Variants in VARS2 observed in about 807,000 individuals in gnomAD.
VARS2 encodes valine--tRNA ligase, mitochondrial.
VARS2 carries 105 observed loss-of-function variants against 154.1 expected under a neutral mutation model. The observed-to-expected ratio is 0.68, with a 90% confidence interval of 0.58 to 0.80. The LOEUF is 0.80. Among genes scored for constraint, VARS2 ranks in the 30% least tolerant of loss-of-function variants. VARS2 has a pLI of 0.00. For synonymous variants in VARS2, 483 were observed against 539.5 expected, an observed-to-expected ratio of 0.90 and a Z score of 1.45; for missense variants, 1,157 against 1,361.4, an observed-to-expected ratio of 0.85 and a Z score of 2.36.
Position 30,920,502 on chromosome 6 carries a change from A to G in VARS2, c.1397+66A>G. On this transcript the variant is annotated intron_variant, in intron 14 of 29. Coordinates refer to ENST00000676266, the MANE Select transcript of VARS2 (RefSeq NM_020442.6). This position sits in a 1 kb window ranked among gnomAD's most constrained non-coding sequence, Gnocchi z 4.6. ...AGGGAATGTATGGAGCTTAAGGGTGACAATAGGATGGGCTCTGCACCCCTC... is the reference window on the plus strand; with the variant it reads ...AGGGAATGTATGGAGCTTAAGGGTGGCAATAGGATGGGCTCTGCACCCCTC... 1 of 1,485,136 alleles carries G rather than the reference A, an allele frequency of 6.7e-7. No individual in the cohort carries two copies. The allele number at this position is 1,485,136 out of a possible 1,614,324, so 92.0% of individuals were successfully genotyped here.
At position 30,915,946 on chromosome 6, in the gene VARS2, G is replaced by T. The variant is rs369182131; in HGVS notation, c.507-35G>T. 3 of 1,614,022 alleles carry T rather than the reference G, an allele frequency of 1.9e-6. No homozygotes were observed. The African/African-American group carries it at 4.0e-5, about 22-fold the overall frequency. ...GGAATGAGTGAGGATAAACATTTAA[G>T]CTCAGGGGCTCACAGGAGGGCATTT... On this transcript the variant is annotated intron_variant, in intron 5 of 29. Transcript: ENST00000676266.
chr6:30,919,770 C>T lies in VARS2; in HGVS notation c.1087C>T (p.Arg363Ter), dbSNP rs578118592. The part of the protein sequence containing the change: ...DDSRYTHLHG[R>*]QLRHPLMGQP... Reference sequence around the variant, plus strand: ...CCCTTCCCTTCAGCATCTACACGGGCGACAGCTTCGTCACCCCTTGATGGG... The same window carrying T: ...CCCTTCCCTTCAGCATCTACACGGGTGACAGCTTCGTCACCCCTTGATGGG... The change falls in exon 12 of 30, where the codon CGA becomes TGA. Residue 363 changes from arginine to a stop codon, truncating the protein, a stop_gained. Coordinates refer to ENST00000676266, the MANE Select transcript of VARS2 (RefSeq NM_020442.6). LOFTEE classifies it high-confidence loss of function. This position sits in a 1 kb window ranked among gnomAD's most constrained non-coding sequence, Gnocchi z 4.5. The T allele has an allele frequency of 2.4e-5, 38 of 1,584,142 alleles. No homozygotes were observed. The highest frequency in any genetic ancestry group is 2.9e-5 in the Non-Finnish European group (34 of 1,161,628).
rs1264298 is a variant in VARS2 at position 30,916,659 on chromosome 6, A to G, written c.672-219A>G. On this transcript the variant is annotated intron_variant, in intron 7 of 29. Coordinates refer to ENST00000676266, the MANE Select transcript of VARS2 (RefSeq NM_020442.6). This position sits in a 1 kb window ranked among gnomAD's most constrained non-coding sequence, Gnocchi z 4.0. The stretch of plus-strand genomic sequence containing the variant: ...TCCTTGGATTTCCCACAATATGGCT[A>G]TCCCTCCTCTCTTCCTATAGAATCT... 187,144 of 587,934 alleles carry G rather than the reference A, an allele frequency of 0.32. 32,085 individuals are homozygous for G. Among genetic ancestry groups the G allele is most frequent in the Non-Finnish European group, 0.36 (120,097 of 331,230 alleles). The allele number at this position is 587,934 out of a possible 1,614,324, so 36.4% of individuals were successfully genotyped here. A position where few individuals can be genotyped will look rare whatever the true frequency, so the allele number is the denominator to read the frequency against.
chr6:30,923,168 G>C lies in VARS2; in HGVS notation c.2250G>C (p.Trp750Cys). The C allele has an allele frequency of 6.2e-7, 1 of 1,613,124 alleles. No individual in the cohort carries two copies. The highest frequency in any genetic ancestry group is 8.5e-7 in the Non-Finnish European group (1 of 1,180,042). ...GCCGACATTTCTGCAACAAGATCTGGAATGCTCTTCGCTTTATCCTCAATG... is the reference window on the plus strand; with the variant it reads ...GCCGACATTTCTGCAACAAGATCTGCAATGCTCTTCGCTTTATCCTCAATG... The part of the protein sequence containing the change: ...QSCRHFCNKI[W>C]NALRFILNAL... The change falls in exon 24 of 30, where the codon TGG becomes TGC. Residue 750 changes from tryptophan to cysteine, a missense_variant. By Grantham distance (215) the Trp-to-Cys change is radical. Coordinates refer to ENST00000676266, the MANE Select transcript of VARS2 (RefSeq NM_020442.6).
chr6:30,918,590 A>G (rs1378748628), intron 10 of VARS2, among the ~76,000 whole-genome samples: 3 of 152,036 alleles, frequency 2.0e-5, no homozygotes, highest in Non-Finnish European at 4.4e-5. Flanking sequence ...CTTCCATGCA[A>G]ATTATCAGGG....
rs1414930999 is a variant in VARS2, at chr6:30,925,772, G to A, written c.2961+53G>A. ...GGCAGGCTTGGGAAGCATGCTGGGA[G>A]GAAGGGAGGGGCTGGGCTCTATAAA... On this transcript the variant is annotated intron_variant, in intron 28 of 29. Transcript: ENST00000676266. 5 of 1,610,362 alleles carry A rather than the reference G, an allele frequency of 3.1e-6. No individual in the cohort carries two copies. In the East Asian group the frequency reaches 6.7e-5, roughly 22 times the overall value.
chr6:30,914,943 G>A lies in VARS2; in HGVS notation c.107G>A (p.Gly36Glu), dbSNP rs765559507. 4 of 1,612,948 alleles carry A rather than the reference G, an allele frequency of 2.5e-6. No individual in the cohort carries two copies. In the African/African-American group the frequency reaches 5.3e-5, roughly 22 times the overall value. The change falls in exon 2 of 30, where the codon GGA (glycine) becomes GAA (glutamate). Residue 36 changes from glycine (G) to glutamate (E), a missense_variant. By Grantham distance (98) the Gly-to-Glu change is moderately conservative. Coordinates refer to ENST00000676266, the MANE Select transcript of VARS2 (RefSeq NM_020442.6). Reference protein sequence around the residue: ...HSVSTQSEPHGSPISRRNREA... With the variant: ...HSVSTQSEPHESPISRRNREA... ...GTTTCTACACAGTCGGAGCCCCATG[G>A]ATCTCCCATCTCCCGGAGGAACCGT...
rs1022148901 is a variant in VARS2, at chr6:30,917,421, C to A, written c.873+197C>A. On this transcript the variant is annotated intron_variant, in intron 9 of 29. Transcript: ENST00000676266. This position sits in a 1 kb window ranked among gnomAD's most constrained non-coding sequence, Gnocchi z 4.4. ...TCTGTAAATTAGAGATGATGGAATG[C>A]TTGCATCGTGGGGGTGTTGTAAAAA... 1.3e-5 allele frequency among the ~76,000 whole-genome samples: 2 copies of A among 152,224 alleles called. No individual in the cohort carries two copies. The highest frequency in any genetic ancestry group is 6.5e-5 in the Admixed American group (1 of 15,288).
intron 26 of VARS2, among the ~76,000 whole-genome samples, chr6:30,925,055 C>G (rs1479667588): frequency 6.6e-6 from 1 of 152,244 alleles, no homozygotes; most frequent in Non-Finnish European, 1.5e-5. Context: ...ATTTCAATCA[C>G]AGCAACTAAA....
chr6:30,915,221 AC>A lies in VARS2; in HGVS notation c.270del (p.Gly91ValfsTer114). Reference protein sequence around the residue: ...ELVLYEIPTKPGEKKDVSGPL... With the variant: ...ELVLYEIPTKXGEKKDVSGPL... ...TAGTATTGTATGAAATCCCTACGAA[AC>A]CCGGTGAAAAGAAAGGTAAGTAGAA... On this transcript the variant is annotated frameshift_variant, in exon 3 of 30. Transcript: ENST00000676266. LOFTEE classifies it high-confidence loss of function. 5 of 1,614,150 alleles carry A rather than the reference AC, an allele frequency of 3.1e-6. No individual in the cohort carries two copies. Among genetic ancestry groups the A allele is most frequent in the Non-Finnish European group, 4.2e-6 (5 of 1,180,014 alleles).
In VARS2 at chr6:30,916,506, TCTTTA is replaced by T. The variant is rs1420777272; in HGVS notation, c.671+261_671+265del. ...TATATATATATATATATTTTCTTTC[TCTTTA>T]CTTACCCCAATTTCTCTTGTCTAAA... On this transcript the variant is annotated intron_variant, in intron 7 of 29. Coordinates refer to ENST00000676266, the MANE Select transcript of VARS2 (RefSeq NM_020442.6). This position sits in a 1 kb window ranked among gnomAD's most constrained non-coding sequence, Gnocchi z 4.0. 3.1e-6 allele frequency: 1 copy of T among 326,000 alleles called. No homozygotes were observed. The highest frequency in any genetic ancestry group is 5.4e-6 in the Non-Finnish European group (1 of 186,196). The allele number at this position is 326,000 out of a possible 1,614,324, so 20.2% of individuals were successfully genotyped here.
chr6:30,924,467 G>A lies in VARS2; in HGVS notation c.2580G>A (p.Leu860=), dbSNP rs757986956. The A allele has an allele frequency of 6.2e-7, 1 of 1,612,264 alleles. No individual in the cohort carries two copies. The highest frequency in any genetic ancestry group is 8.5e-7 in the Non-Finnish European group (1 of 1,179,612). ...LRLLAPLMPF[L]AEELWQRLPP... ...TCCTGGCCCCACTGATGCCCTTCCT[G>A]GCTGAAGAGCTCTGGCAGAGGCTGC... The change falls in exon 26 of 30, where the codon CTG becomes CTA. Residue 860 remains leucine (L), a synonymous_variant. Transcript: ENST00000676266.
chr6:30,921,052 C>T lies in VARS2; in HGVS notation c.1480-13C>T. 1 of 1,605,066 alleles carries T rather than the reference C, an allele frequency of 6.2e-7. No homozygotes were observed. On this transcript the variant is annotated splice_polypyrimidine_tract_variant and intron_variant, in intron 15 of 29. Coordinates refer to ENST00000676266, the MANE Select transcript of VARS2 (RefSeq NM_020442.6). The surrounding 1 kb of genome is among the most constrained non-coding windows in gnomAD (Gnocchi z 4.6). ...GGAAGGGCAACATTGTCTAAAGTCC[C>T]CTTTCTCTCCAGGCTGTGGAGTCGG...
intron 26 of VARS2, 135 bp downstream of exon 26, chr6:30,924,695 C>T: frequency 1.6e-6 from 1 of 611,198 alleles, no homozygotes; most frequent in Non-Finnish European, 2.9e-6. Context: ...ATGGATTGTT[C>T]CTGCAGGGTT....
chr6:30,924,706 G>C, intron 26 of VARS2, 146 bp downstream of exon 26: 2 of 602,276 alleles, frequency 3.3e-6, no homozygotes, highest in South Asian at 4.1e-5. Context: ...CTGCAGGGTT[G>C]CTGCGATGAC....
chr6:30,921,246 C>T lies in VARS2; in HGVS notation c.1573C>T (p.Arg525Trp), dbSNP rs747238177. Residue 525 changes from arginine to tryptophan, a missense_variant, in exon 17 of 30, where the codon CGG becomes TGG. By Grantham distance (101) the Arg-to-Trp change is moderately radical. Transcript: ENST00000676266. The surrounding 1 kb of genome is among the most constrained non-coding windows in gnomAD (Gnocchi z 4.6). ...TCCCGGCAGGGACTGGTGTGTCTCC[C>T]GGCAGCTGTGGTGGGGCCATCAGAT... Reference protein sequence around the residue: ...FSHIGDWCVSRQLWWGHQIPA... With the variant: ...FSHIGDWCVSWQLWWGHQIPA... 2.0e-5 allele frequency: 32 copies of T among 1,614,076 alleles called. No homozygotes were observed. Among genetic ancestry groups the T allele is most frequent in the East Asian group, 2.2e-5 (1 of 44,872 alleles).
chr6:30,921,238 G>A lies in VARS2; in HGVS notation c.1565G>A (p.Cys522Tyr), dbSNP rs1794492199. 2 of 1,614,112 alleles carry A rather than the reference G, an allele frequency of 1.2e-6. No individual in the cohort carries two copies. Among genetic ancestry groups the A allele is most frequent in the Non-Finnish European group, 1.7e-6 (2 of 1,180,000 alleles). The change falls in exon 17 of 30, where the codon TGT becomes TAT. Residue 522 changes from cysteine (C) to tyrosine (Y), a missense_variant. Cys to Tyr is a radical substitution (Grantham distance 194). Transcript: ENST00000676266. The surrounding 1 kb of genome is among the most constrained non-coding windows in gnomAD (Gnocchi z 4.6). ...QHWFSHIGDW[C>Y]VSRQLWWGHQ... ...GAATGTCCTCCCGGCAGGGACTGGT[G>A]TGTCTCCCGGCAGCTGTGGTGGGGC...
rs885905 is a variant in VARS2, at chr6:30,922,654, A to G, written c.2038-52A>G. The G allele has an allele frequency of 0.73, 1,159,421 of 1,590,556 alleles. 427,057 individuals carry two copies. Among genetic ancestry groups the G allele is most frequent in the South Asian group, 0.86 (74,503 of 86,552 alleles). ...AGTGAGGCCAGCAGGTGTGACCCTT[A>G]TAGAGGCAGGGCCTTCGACCTGGGT... On this transcript the variant is annotated intron_variant, in intron 21 of 29. Coordinates refer to ENST00000676266, the MANE Select transcript of VARS2 (RefSeq NM_020442.6).
chr6:30,920,072 T>G lies in VARS2; in HGVS notation c.1166-17T>G. 6.6e-7 allele frequency: 1 copy of G among 1,525,770 alleles called. No individual in the cohort carries two copies. Among genetic ancestry groups the G allele is most frequent in the South Asian group, 1.3e-5 (1 of 76,592 alleles). The allele number at this position is 1,525,770 out of a possible 1,614,324, so 94.5% of individuals were successfully genotyped here. A position where few individuals can be genotyped will look rare whatever the true frequency, so the allele number is the denominator to read the frequency against. On this transcript the variant is annotated splice_polypyrimidine_tract_variant and intron_variant, in intron 12 of 29. Transcript: ENST00000676266. The surrounding 1 kb of genome is among the most constrained non-coding windows in gnomAD (Gnocchi z 4.6). ...CCAAGGTCAGGTTCAGTACTCACCA[T>G]GGCTGTGCTCCCCAAGGGGCAGTGA...
Sources: gnomAD v4.1 joint callset for allele counts (sites outside exome capture counted in the v4.1 genomes callset) on GRCh38, gnomAD v4.1.1 for gene constraint, Gnocchi (gnomAD v3.1) non-coding constraint, MANE v1.5 for transcripts, NCBI Gene and HGNC (gene_info 2026-07-23, HGNC 2026-07-21) for gene names.